Variants in ALOX15B observed in about 807,000 individuals in gnomAD.
ALOX15B encodes arachidonate 15-lipoxygenase type B.
ALOX15B carries 74 observed loss-of-function variants against 73.8 expected under a neutral mutation model. That is an observed-to-expected ratio of 1.00 (90% CI 0.83 to 1.22). The LOEUF is 1.22. ALOX15B is among the 50% of genes most tolerant of loss of function. ALOX15B has a pLI of 0.00. For synonymous variants in ALOX15B, 353 were observed against 357.2 expected (o/e 0.99, Z 0.13); for missense variants, 896 against 859.9 (o/e 1.04, Z -0.52).
rs1458882175 is a variant in ALOX15B, at chr17:8,040,649, AAGAAAAGAAAGAG to A, written c.449+668_449+680del. 2.8e-4 allele frequency among the ~76,000 whole-genome samples: 32 copies of A among 112,876 alleles called. No individual in the cohort carries two copies. The East Asian group carries it at 4.9e-3, about 17-fold the overall frequency. 74.1% of individuals were successfully genotyped at this position (112,876 alleles called of 152,430 possible). A position where few individuals can be genotyped will look rare whatever the true frequency, so the allele number is the denominator to read the frequency against. ...AAAGAAAGAAAGAAAGAAAGAAAGA[AAGAAAAGAAAGAG>A]AAAGAAACTGCTTTAAATGCCTTAC... is the stretch of plus-strand genomic sequence containing the variant. On this transcript the variant is annotated intron_variant, in intron 3 of 13. Coordinates refer to ENST00000380183, the MANE Select transcript of ALOX15B (RefSeq NM_001141.3).
chr17:8,039,979 T>G lies in ALOX15B; in HGVS notation c.445T>G (p.Tyr149Asp). The change falls in exon 3 of 14, where the codon TAC becomes GAC. Residue 149 changes from tyrosine to aspartate, a missense_variant. By Grantham distance (160) the Tyr-to-Asp change is radical. Coordinates refer to ENST00000380183, the MANE Select transcript of ALOX15B (RefSeq NM_001141.3). ...QEELQARQEMYQWKAYNPGWP... is the reference protein window; with the variant it reads ...QEELQARQEMDQWKAYNPGWP... ...GGAGCTTCAGGCCCGGCAGGAGATG[T>G]ACCAGTGAGGAGGGGGTTACTGATG... 4.3e-6 allele frequency: 7 copies of G among 1,612,226 alleles called. No homozygotes were observed. The highest frequency in any genetic ancestry group is 5.9e-6 in the Non-Finnish European group (7 of 1,179,152).
chr17:8,042,899 C>A lies in ALOX15B; in HGVS notation c.676+15C>A, dbSNP rs1054144873. The A allele has an allele frequency of 3.9e-6, 6 of 1,543,614 alleles. No individual in the cohort carries two copies. The highest frequency in any genetic ancestry group is 5.3e-6 in the Non-Finnish European group (6 of 1,140,038). ...CCCAGCAGCTGGTGAGGAGCTTGGGCCAGGGATCCTGACCTCTTTCCTGGG... is the reference window on the plus strand; with the variant it reads ...CCCAGCAGCTGGTGAGGAGCTTGGGACAGGGATCCTGACCTCTTTCCTGGG... On this transcript the variant is annotated intron_variant, in intron 5 of 13. Coordinates refer to ENST00000380183, the MANE Select transcript of ALOX15B (RefSeq NM_001141.3).
chr17:8,043,257 T>C (rs1215641069), intron 5 of ALOX15B, among the ~76,000 whole-genome samples: 20 of 152,180 alleles, frequency 1.3e-4, no homozygotes, highest in Admixed American at 1.3e-3. Flanking sequence ...GCACCTGCCA[T>C]ACCCTGGAGA....
At chr17:8,040,586 A>C (rs1976415173) in intron 3 of ALOX15B, among the ~76,000 whole-genome samples, 1 of 136,728 alleles carries the variant, frequency 7.3e-6, no homozygotes, top group South Asian at 2.4e-4. Context: ...GGAAGGAAAG[A>C]GAGAAAGAAA....
At chr17:8,046,366 T>A (rs1310861389) in intron 8 of ALOX15B, among the ~76,000 whole-genome samples, 1 of 152,128 alleles carries the variant, frequency 6.6e-6, no homozygotes, top group Non-Finnish European at 1.5e-5. Context: ...CTTCCCTGCC[T>A]AGGGGCTAGG....
rs1976615948 is a variant in ALOX15B at position 8,046,660 on chromosome 17, C to A, written c.1201-8C>A. The A allele has an allele frequency of 5.6e-6, 9 of 1,612,586 alleles. No individual in the cohort carries two copies. Among genetic ancestry groups the A allele is most frequent in the Non-Finnish European group, 7.6e-6 (9 of 1,179,468 alleles). On this transcript the variant is annotated splice_polypyrimidine_tract_variant and splice_region_variant and intron_variant, in intron 8 of 13. Coordinates refer to ENST00000380183, the MANE Select transcript of ALOX15B (RefSeq NM_001141.3). ...CTCCCCTAGCTCTGCCATTTTCCTG[C>A]CATGCAGCTGCTGATCCCGCACACC...
Position 8,047,295 on chromosome 17 carries a change from G to A in ALOX15B, c.1495G>A (p.Asp499Asn), listed in dbSNP as rs772792324. The A allele has an allele frequency of 3.7e-6, 6 of 1,614,112 alleles. No homozygotes were observed. In the South Asian group the frequency reaches 5.5e-5, roughly 15 times the overall value. ...AATCATCGGTATCTACTACCCAAGTGATGAGTCTGTCCAAGATGACAGAGA... is the reference window on the plus strand; with the variant it reads ...AATCATCGGTATCTACTACCCAAGTAATGAGTCTGTCCAAGATGACAGAGA... ...SEIIGIYYPS[D>N]ESVQDDRELQ... Residue 499 changes from aspartate (D) to asparagine (N), a missense_variant, in exon 11 of 14, where the codon GAT becomes AAT. By Grantham distance (23) the Asp-to-Asn change is conservative. Coordinates refer to ENST00000380183, the MANE Select transcript of ALOX15B (RefSeq NM_001141.3).
chr17:8,039,631 G>A (rs1464789101), intron 2 of ALOX15B, 26 bp downstream of exon 2: 1 of 1,168,982 alleles, frequency 8.6e-7, no homozygotes, highest in South Asian at 1.3e-5. Flanking sequence ...GGCTGGGGCT[G>A]CAGGGGGAGC....
Position 8,047,660 on chromosome 17 carries a change from G to A in ALOX15B, c.1676G>A (p.Gly559Glu). ...GCCAAGCATGCGGCTGTCAGTGCAG[G>A]GCAGGTGAGGAAAGGCCAGCGCCCG... is the stretch of plus-strand genomic sequence containing the variant. Reference protein sequence around the residue: ...CSAKHAAVSAGQFDSCAWMPN... With the variant: ...CSAKHAAVSAEQFDSCAWMPN... Residue 559 changes from glycine to glutamate, a missense_variant, in exon 12 of 14, where the codon GGG becomes GAG. Physicochemically the swap from Gly to Glu is moderately conservative, Grantham distance 98 (BLOSUM62 -2). Transcript: ENST00000380183. 4 of 1,612,506 alleles carry A rather than the reference G, an allele frequency of 2.5e-6. No homozygotes were observed. Among genetic ancestry groups the A allele is most frequent in the Non-Finnish European group, 3.4e-6 (4 of 1,179,234 alleles).
At chr17:8,046,616 G>A in intron 8 of ALOX15B, 52 bp from the exon 9 acceptor site, 4 of 1,568,790 alleles carry the variant, frequency 2.5e-6, no homozygotes, top group Non-Finnish European at 3.5e-6. Context: ...GGAAGGTCTG[G>A]GGCCAGAACA....
At position 8,040,601 on chromosome 17, in the gene ALOX15B, G is replaced by GAGAGAGAAAGAAAGAAAGAAAGAA. The variant is rs1555638441; in HGVS notation, c.449+621_449+622insGAGAAAGAAAGAAAGAAAGAAAGA. Among the ~76,000 whole-genome samples, 289 of 109,514 alleles carry GAGAGAGAAAGAAAGAAAGAAAGAA rather than the reference G, an allele frequency of 2.6e-3. 2 individuals are homozygous for GAGAGAGAAAGAAAGAAAGAAAGAA. Among genetic ancestry groups the GAGAGAGAAAGAAAGAAAGAAAGAA allele is most frequent in the African/African-American group, 4.9e-3 (133 of 27,372 alleles). The allele number at this position is 109,514 out of a possible 152,430, so 71.8% of individuals were successfully genotyped here. Reference sequence around the variant, plus strand: ...GGAAGGAAAGAGAGAAAGAAAGAGAGAGAAAGAAAGAAAGAAAGAAAGAAA... The same window carrying GAGAGAGAAAGAAAGAAAGAAAGAA: ...GGAAGGAAAGAGAGAAAGAAAGAGAGAGAGAGAAAGAAAGAAAGAAAGAAAGAAAGAAAGAAAGAAAGAAAGAAA... On this transcript the variant is annotated intron_variant, in intron 3 of 13. Transcript: ENST00000380183.
Position 8,046,932 on chromosome 17 carries a change from T to C in ALOX15B, c.1313T>C (p.Phe438Ser). The C allele has an allele frequency of 1.2e-6, 2 of 1,614,162 alleles. No individual in the cohort carries two copies. The highest frequency in any genetic ancestry group is 1.7e-6 in the Non-Finnish European group (2 of 1,180,024). ...DRSTGIGIEG[F>S]SELIQRNMKQ... ...TCCACAGGCATCGGCATTGAAGGCT[T>C]CTCTGAGTTGATACAGAGGAACATG... Residue 438 changes from phenylalanine (F) to serine (S), a missense_variant, in exon 10 of 14, where the codon TTC becomes TCC. Coordinates refer to ENST00000380183, the MANE Select transcript of ALOX15B (RefSeq NM_001141.3).
chr17:8,040,635 G>GAAAGAAAGAAAGAAAT (rs1555638484), intron 3 of ALOX15B, among the ~76,000 whole-genome samples: 5 of 131,060 alleles, frequency 3.8e-5, no homozygotes, highest in African/African-American at 1.3e-4. Flanking sequence ...AAGAAAGAAA[G>GAAAGAAAGAAAGAAAT]AAAGAAAGAA....
In ALOX15B at chr17:8,046,712, CGCCCGGGA is replaced by C. The variant is rs756010070; in HGVS notation, c.1248_1255del (p.Arg417AlafsTer17). The C allele has an allele frequency of 6.6e-5, 107 of 1,613,858 alleles. No individual in the cohort carries two copies. Among genetic ancestry groups the C allele is most frequent in the Non-Finnish European group, 1.6e-5 (19 of 1,179,964 alleles). Reference sequence around the variant, plus strand: ...GATACACCCTGCACATCAACACACTCGCCCGGGAGCTGCTTATCGTGCCAGGGCAGGTG... The same window carrying C: ...GATACACCCTGCACATCAACACACTCGCTGCTTATCGTGCCAGGGCAGGTG... On this transcript the variant is annotated frameshift_variant, in exon 9 of 14. Transcript: ENST00000380183. LOFTEE classifies it high-confidence loss of function.
Position 8,044,810 on chromosome 17 carries a change from T to C in ALOX15B, c.677-19T>C, listed in dbSNP as rs1598164468. The C allele has an allele frequency of 2.3e-5, 24 of 1,061,616 alleles. No homozygotes were observed. Among genetic ancestry groups the C allele is most frequent in the Admixed American group, 2.7e-5 (1 of 37,224 alleles). 65.8% of individuals were successfully genotyped at this position (1,061,616 alleles called of 1,614,324 possible). On this transcript the variant is annotated intron_variant, in intron 5 of 13. Transcript: ENST00000380183. ...ACGCATTTGAGTGACCCCGTTCCCCTGTCCCCCACCCCCTGCAGAGCACGC... is the reference window on the plus strand; with the variant it reads ...ACGCATTTGAGTGACCCCGTTCCCCCGTCCCCCACCCCCTGCAGAGCACGC...
At chr17:8,048,312 A>C in intron 13 of ALOX15B, 74 bp from the exon 14 acceptor site, 1 of 1,522,116 alleles carries the variant, frequency 6.6e-7, no homozygotes. Context: ...GCAGCTGCTC[A>C]GATAGTGGGG....
chr17:8,045,002 G>A lies in ALOX15B; in HGVS notation c.849+1G>A. ...GACCAGCTTGCAGGCTGAGCTAGAG[G>A]TGAGGGGTGCAGGGATCTTGGCTCT... On this transcript the variant is annotated splice_donor_variant, in intron 6 of 13. Coordinates refer to ENST00000380183, the MANE Select transcript of ALOX15B (RefSeq NM_001141.3). LOFTEE classifies it high-confidence loss of function. 1.2e-6 allele frequency: 2 copies of A among 1,614,072 alleles called. No homozygotes were observed. Among genetic ancestry groups the A allele is most frequent in the African/African-American group, 2.7e-5 (2 of 75,020 alleles).
chr17:8,042,619 T>C, intron 4 of ALOX15B, 128 bp downstream of exon 4: 1 of 1,409,522 alleles, frequency 7.1e-7, no homozygotes, highest in Non-Finnish European at 9.8e-7. Context: ...GGAAACAGCC[T>C]CCTTCCCACT....
At chr17:8,039,630 TGCA>T in intron 2 of ALOX15B, 25 bp downstream of exon 2, 1 of 976,752 alleles carries the variant, frequency 1.0e-6, no homozygotes, top group Non-Finnish European at 1.5e-6. Context: ...GGGCTGGGGC[TGCA>T]GGGGGAGCAC....
Sources: allele counts gnomAD v4.1 joint callset (sites outside exome capture counted in the v4.1 genomes callset), GRCh38; gene constraint gnomAD v4.1.1; transcripts MANE v1.5; gene names NCBI Gene and HGNC (gene_info 2026-07-23, HGNC 2026-07-21).